The following OSBP2 variants were observed in gnomAD, a reference collection of about 807,000 sequenced individuals.
OSBP2 encodes the protein oxysterol-binding protein 2.
OSBP2 carries 66 observed loss-of-function variants against 96.0 expected under a neutral mutation model. That is an observed-to-expected ratio of 0.69 (90% CI 0.56 to 0.84). The LOEUF is 0.84. Ranked by LOEUF, OSBP2 falls within the 40% of genes least tolerant of loss-of-function variation. The pLI is 0.00. For missense variants in OSBP2, 1,038 were observed against 1,222.7 expected, an observed-to-expected ratio of 0.85 and a Z score of 2.25; for synonymous variants, 525 against 520.9, an observed-to-expected ratio of 1.01 and a Z score of -0.11.
At chr22:30,746,380 C>CA (rs1156894302) in intron 2 of OSBP2, among the ~76,000 whole-genome samples, 1 of 151,758 alleles carries the variant, frequency 6.6e-6, no homozygotes, top group Non-Finnish European at 1.5e-5. Context: ...GCCATGATTT[C>CA]ACCACTGCAC....
chr22:30,833,997 C>T (rs923125678), intron 2 of OSBP2, among the ~76,000 whole-genome samples: 2 of 152,166 alleles, frequency 1.3e-5, no homozygotes, highest in African/African-American at 4.8e-5. Context: ...TAACATTTTA[C>T]TATATTTACT....
Position 30,699,192 on chromosome 22 carries a change from C to G in OSBP2, c.644+3639C>G, listed in dbSNP as rs576775236. ...ACTCCTGGCCTCAAGTGATCCACCC[C>G]CTTCAGCCTCCCAAACTGCTGAGAT... On this transcript the variant is annotated intron_variant, in intron 1 of 13. Coordinates refer to ENST00000332585, the MANE Select transcript of OSBP2 (RefSeq NM_030758.4). Among the ~76,000 whole-genome samples the G allele has an allele frequency of 2.6e-5, 4 of 151,650 alleles. No individual in the cohort carries two copies. In the South Asian group the frequency reaches 8.4e-4, roughly 32 times the overall value.
chr22:30,746,979 G>C (rs1440533170), intron 2 of OSBP2, among the ~76,000 whole-genome samples: 1 of 152,150 alleles, frequency 6.6e-6, no homozygotes, highest in Non-Finnish European at 1.5e-5. Context: ...ATGACCAAGT[G>C]GGACTTACCC....
intron 1 of OSBP2, among the ~76,000 whole-genome samples, chr22:30,729,248 G>C (rs1444861268): frequency 6.6e-6 from 1 of 152,130 alleles, no homozygotes; most frequent in Non-Finnish European, 1.5e-5. Flanking sequence ...TTATCCAAAA[G>C]AACTGAAATT....
intron 2 of OSBP2, among the ~76,000 whole-genome samples, chr22:30,769,484 A>G (rs1202976694): frequency 6.6e-6 from 1 of 152,166 alleles, no homozygotes; most frequent in Non-Finnish European, 1.5e-5. Flanking sequence ...CCCGGTCTCT[A>G]CTAAAAATAC....
intron 2 of OSBP2, among the ~76,000 whole-genome samples, chr22:30,807,606 C>A (rs2090946147): frequency 6.6e-6 from 1 of 152,194 alleles, no homozygotes; most frequent in African/African-American, 2.4e-5. Flanking sequence ...GCAGCTGGGC[C>A]TGCTCTTCTC....
chr22:30,711,608 T>C (rs1460373611), intron 1 of OSBP2, among the ~76,000 whole-genome samples: 1 of 151,686 alleles, frequency 6.6e-6, no homozygotes, highest in East Asian at 1.9e-4. Flanking sequence ...GGCATGGCGG[T>C]GTGTGCCTGT....
At chr22:30,817,750 A>G (rs1409419029) in intron 2 of OSBP2, among the ~76,000 whole-genome samples, 3 of 152,160 alleles carry the variant, frequency 2.0e-5, no homozygotes, top group African/African-American at 7.2e-5. Context: ...GACTAGTGAG[A>G]AAAGGCCTCC....
chr22:30,822,332 G>A (rs550739848), intron 2 of OSBP2, among the ~76,000 whole-genome samples: 1 of 152,346 alleles, frequency 6.6e-6, no homozygotes, highest in South Asian at 2.1e-4. Context: ...GGGCGTCCGC[G>A]GGGTCGCACG....
chr22:30,774,248 C>T (rs2090397757), intron 2 of OSBP2, among the ~76,000 whole-genome samples: 1 of 152,236 alleles, frequency 6.6e-6, no homozygotes. Context: ...ATAGTTCCAG[C>T]CCTAGCCTAC....
At chr22:30,868,619 C>T (rs958966073) in intron 2 of OSBP2, among the ~76,000 whole-genome samples, 3 of 152,218 alleles carry the variant, frequency 2.0e-5, no homozygotes, top group African/African-American at 4.8e-5. Flanking sequence ...GAGGGGCAGG[C>T]GGTCATTTGA....
intron 12 of OSBP2, chr22:30,902,626 C>A: frequency 3.1e-6 from 2 of 647,778 alleles, no homozygotes; most frequent in Non-Finnish European, 2.9e-6. Context: ...ACATGGATTT[C>A]AAAGAACCGA....
At chr22:30,823,847 CA>C (rs1349341228) in intron 2 of OSBP2, among the ~76,000 whole-genome samples, 1 of 152,202 alleles carries the variant, frequency 6.6e-6, no homozygotes, top group Non-Finnish European at 1.5e-5. Flanking sequence ...TCTTAGTTTC[CA>C]GTTTTTATTT....
chr22:30,703,480 CT>C (rs531713410), intron 1 of OSBP2, among the ~76,000 whole-genome samples: 624 of 123,812 alleles, frequency 5.0e-3, no homozygotes, highest in Admixed American at 4.7e-3. Context: ...GGCCTTATAG[CT>C]TTTTTTTTTT....
chr22:30,763,650 A>AC (rs2090234737), intron 2 of OSBP2, among the ~76,000 whole-genome samples: 1 of 151,926 alleles, frequency 6.6e-6, no homozygotes, highest in Admixed American at 6.6e-5. Context: ...AAAAAAAAAA[A>AC]AACCCACAGG....
At chr22:30,740,428 C>A (rs1222132666) in intron 1 of OSBP2, among the ~76,000 whole-genome samples, 1 of 152,180 alleles carries the variant, frequency 6.6e-6, no homozygotes, top group South Asian at 2.1e-4. Context: ...GACTCCTAAA[C>A]CATAATTTCT....
At chr22:30,866,565 C>A (rs1444644893) in intron 2 of OSBP2, among the ~76,000 whole-genome samples, 3 of 152,122 alleles carry the variant, frequency 2.0e-5, no homozygotes. Context: ...AGTGAAACTC[C>A]CTCTCTACTA....
At chr22:30,874,075 A>G (rs2039521308) in intron 3 of OSBP2, among the ~76,000 whole-genome samples, 1 of 152,164 alleles carries the variant, frequency 6.6e-6, no homozygotes, top group Non-Finnish European at 1.5e-5. Flanking sequence ...TGTCTCTACT[A>G]AAAATACAAA....
At position 30,695,513 on chromosome 22, in the gene OSBP2, C is replaced by A; in HGVS notation, c.604C>A (p.Arg202Ser). 6.2e-7 allele frequency: 1 copy of A among 1,612,288 alleles called. No homozygotes were observed. The highest frequency in any genetic ancestry group is 8.5e-7 in the Non-Finnish European group (1 of 1,180,016). The stretch of plus-strand genomic sequence containing the variant: ...CAACTATCTGAAGGGCTACCAGCGC[C>A]GCTGGTTCGTGCTGGGCAATGGTTT... ...WTNYLKGYQRRWFVLGNGLLS... is the reference protein window; with the variant it reads ...WTNYLKGYQRSWFVLGNGLLS... The change falls in exon 1 of 14, where the codon CGC (arginine) becomes AGC (serine). Residue 202 changes from arginine to serine, a missense_variant. Arg to Ser is a moderately radical substitution (Grantham distance 110). This residue lies in a region of OSBP2 where 281 missense variants were observed against 273.4 expected (regional missense o/e 1.03). Transcript: ENST00000332585.
Sources: allele counts gnomAD v4.1 joint callset (sites outside exome capture counted in the v4.1 genomes callset), GRCh38; gene constraint gnomAD v4.1.1; regional missense constraint gnomAD v4.1.1; transcripts MANE v1.5; gene names NCBI Gene and HGNC (gene_info 2026-07-23, HGNC 2026-07-21).